Variants in THSD7B observed in about 807,000 individuals in gnomAD.
THSD7B encodes the protein thrombospondin type 1 domain containing 7B.
THSD7B carries 138 observed loss-of-function variants against 213.6 expected under a neutral mutation model. That is an observed-to-expected ratio of 0.65 (90% confidence interval 0.56 to 0.74). THSD7B has a LOEUF of 0.74. Ranked by LOEUF, THSD7B falls within the 30% of genes least tolerant of loss-of-function variation. The pLI is 0.00. For synonymous variants in THSD7B, 742 were observed against 687.0 expected (o/e 1.08, Z -1.25); for missense variants, 1,931 against 1,991.5 (o/e 0.97, Z 0.58).
At chr2:137,514,971 G>C (rs1316470028) in intron 15 of THSD7B, among the ~76,000 whole-genome samples, 1 of 152,130 alleles carries the variant, frequency 6.6e-6, no homozygotes, top group Non-Finnish European at 1.5e-5. Context: ...AGCAAATACT[G>C]AACATCAAAT....
intron 17 of THSD7B, among the ~76,000 whole-genome samples, chr2:137,593,496 T>G (rs1312359568): frequency 6.6e-6 from 1 of 151,972 alleles, no homozygotes; most frequent in Non-Finnish European, 1.5e-5. Context: ...TATCTTTTAG[T>G]GATTTTAATT....
chr2:137,368,535 C>G (rs372130686), intron 12 of THSD7B, among the ~76,000 whole-genome samples: 1 of 152,158 alleles, frequency 6.6e-6, no homozygotes, highest in South Asian at 2.1e-4. Flanking sequence ...ATGCAGTTTA[C>G]TTCAACAGAA....
chr2:137,676,399 C>T (rs1683700130), intron 27 of THSD7B, 125 bp from the exon 28 acceptor site: 1 of 824,764 alleles, frequency 1.2e-6, no homozygotes, highest in Non-Finnish European at 1.9e-6. Flanking sequence ...GGAACCCACA[C>T]ATCTAGAGAA....
At chr2:136,875,449 T>C (rs1352115908) in intron 1 of THSD7B, among the ~76,000 whole-genome samples, 1 of 151,882 alleles carries the variant, frequency 6.6e-6, no homozygotes. Flanking sequence ...AGAAATCCAT[T>C]CTGCACTTTC....
intron 14 of THSD7B, among the ~76,000 whole-genome samples, chr2:137,442,906 A>C (rs1386298059): frequency 6.6e-6 from 1 of 152,172 alleles, no homozygotes; most frequent in African/African-American, 2.4e-5. Flanking sequence ...ACTTGGAGCC[A>C]CAGTTCTAAG....
intron 4 of THSD7B, among the ~76,000 whole-genome samples, chr2:137,107,438 T>C (rs1688275019): frequency 6.6e-6 from 1 of 152,140 alleles, no homozygotes; most frequent in Non-Finnish European, 1.5e-5. Context: ...GTAACGTAGA[T>C]GATGGGTTGA....
At chr2:137,405,211 A>AAAT (rs1215245931) in intron 12 of THSD7B, among the ~76,000 whole-genome samples, 1 of 151,746 alleles carries the variant, frequency 6.6e-6, no homozygotes, top group East Asian at 1.9e-4. Flanking sequence ...AAAAAAAAAA[A>AAAT]AAATGACATC....
intron 1 of THSD7B, among the ~76,000 whole-genome samples, chr2:136,818,336 G>A: frequency 7.4e-6 from 1 of 135,616 alleles, no homozygotes; most frequent in Non-Finnish European, 1.6e-5. Flanking sequence ...TCATAGGTGG[G>A]AATTGAACAA....
intron 2 of THSD7B, among the ~76,000 whole-genome samples, chr2:136,912,715 G>A (rs1684284535): frequency 6.6e-6 from 1 of 152,078 alleles, no homozygotes; most frequent in Non-Finnish European, 1.5e-5. Context: ...GTTTATCAGG[G>A]GTTTCTGCTT....
At chr2:136,819,758 C>A (rs921512668) in intron 1 of THSD7B, among the ~76,000 whole-genome samples, 1 of 152,096 alleles carries the variant, frequency 6.6e-6, no homozygotes, top group Non-Finnish European at 1.5e-5. Context: ...CAATGCATTT[C>A]CTCTCCCTCC....
chr2:137,460,405 T>A (rs929323761), intron 15 of THSD7B, among the ~76,000 whole-genome samples: 1 of 152,164 alleles, frequency 6.6e-6, no homozygotes, highest in Non-Finnish European at 1.5e-5. Flanking sequence ...CTAACGTATA[T>A]CTGCTTCCAC....
At chr2:136,823,650 G>A (rs1682599327) in intron 1 of THSD7B, among the ~76,000 whole-genome samples, 1 of 151,684 alleles carries the variant, frequency 6.6e-6, no homozygotes, top group Admixed American at 6.6e-5. Context: ...TCTCATTTTA[G>A]CCAATTTATT....
At chr2:137,253,605 C>T (rs1175311018) in intron 10 of THSD7B, among the ~76,000 whole-genome samples, 1 of 152,088 alleles carries the variant, frequency 6.6e-6, no homozygotes, top group Non-Finnish European at 1.5e-5. Context: ...TAATATGATT[C>T]TTATTTGTCG....
intron 18 of THSD7B, among the ~76,000 whole-genome samples, chr2:137,616,989 C>T (rs2104838967): frequency 6.6e-6 from 1 of 152,174 alleles, no homozygotes; most frequent in East Asian, 1.9e-4. Flanking sequence ...ACAACCAAAC[C>T]ACCACATGCC....
At chr2:137,311,621 A>T (rs1310252069) in intron 12 of THSD7B, among the ~76,000 whole-genome samples, 1 of 152,102 alleles carries the variant, frequency 6.6e-6, no homozygotes, top group East Asian at 1.9e-4. Context: ...TTGCCCATTC[A>T]CTATGATGTT....
At chr2:137,317,860 G>A (rs1474712756) in intron 12 of THSD7B, among the ~76,000 whole-genome samples, 1 of 152,124 alleles carries the variant, frequency 6.6e-6, no homozygotes, top group Non-Finnish European at 1.5e-5. Context: ...GGAGTTCAAG[G>A]TTGTAATGAG....
In THSD7B at chr2:137,167,506, G is replaced by T. The variant is rs1174171165; in HGVS notation, c.1526-3235G>T. 2.0e-5 allele frequency among the ~76,000 whole-genome samples: 3 copies of T among 152,180 alleles called. 1 individual carries two copies. In the South Asian group the frequency reaches 6.2e-4, roughly 32 times the overall value. ...GTGGATAGCTCATGTGTACACTTCT[G>T]ATCCACTAACTCATGCAGAAATACA... On this transcript the variant is annotated intron_variant, in intron 6 of 27. Transcript: ENST00000409968.
At chr2:136,902,373 A>G (rs1227096515) in intron 2 of THSD7B, among the ~76,000 whole-genome samples, 1 of 152,230 alleles carries the variant, frequency 6.6e-6, no homozygotes, top group Non-Finnish European at 1.5e-5. Context: ...TGAAACATAT[A>G]TTTAAGCCAA....
chr2:136,994,705 C>T (rs1332908764), intron 2 of THSD7B, among the ~76,000 whole-genome samples: 1 of 152,170 alleles, frequency 6.6e-6, no homozygotes, highest in Non-Finnish European at 1.5e-5. Flanking sequence ...AAAACACACT[C>T]CTTTACACGT....
Sources: allele counts gnomAD v4.1 joint callset (sites outside exome capture counted in the v4.1 genomes callset), GRCh38; gene constraint gnomAD v4.1.1; transcripts MANE v1.5; gene names NCBI Gene and HGNC (gene_info 2026-07-23, HGNC 2026-07-21).